The following SPACDR variants were observed in gnomAD, a reference collection of about 807,000 sequenced individuals.
SPACDR encodes sperm acrosome developmental regulator, also known as uncharacterized protein C7orf61.
At chr7:100,463,350 G>A in the SPACDR span, 12 of 1,559,124 alleles carry the variant, frequency 7.7e-6, no homozygotes, top group East Asian at 2.7e-4. Flanking sequence ...GGGGGTGTTA[G>A]GATGGTGCTG....
the SPACDR span, among the ~76,000 whole-genome samples, chr7:100,460,495 G>A: frequency 4.6e-5 from 7 of 151,826 alleles, no homozygotes; most frequent in Non-Finnish European, 8.8e-5. Context: ...GGAGGCTGAG[G>A]CAGGATAATT....
the SPACDR span, among the ~76,000 whole-genome samples, chr7:100,458,238 GTA>G: frequency 4.6e-5 from 6 of 130,748 alleles, no homozygotes; most frequent in Admixed American, 2.4e-4. Context: ...GTGTGTGTGT[GTA>G]TAATTTTACC....
the SPACDR span, among the ~76,000 whole-genome samples, chr7:100,463,108 A>AG: frequency 3.7e-5 from 5 of 135,594 alleles, no homozygotes; most frequent in African/African-American, 1.4e-4. Context: ...TGTCTCAGGG[A>AG]GAAAAAAAAA....
the SPACDR span, chr7:100,463,723 A>AGGGGC: frequency 6.4e-7 from 1 of 1,559,866 alleles, no homozygotes; most frequent in Non-Finnish European, 8.8e-7. Flanking sequence ...GACAGGAGAG[A>AGGGGC]GGGGCAGGGC....
chr7:100,457,042 C>G, the SPACDR span: 1 of 1,291,222 alleles, frequency 7.7e-7, no homozygotes, highest in Non-Finnish European at 1.1e-6. Flanking sequence ...GGAGAAACTG[C>G]CGCTAGAACG....
the SPACDR span, among the ~76,000 whole-genome samples, chr7:100,457,841 G>GTGTGTGTGTGTGTGTGTATA: frequency 2.4e-5 from 2 of 85,078 alleles, no homozygotes; most frequent in East Asian, 7.9e-4. Flanking sequence ...GTGTGTGTGT[G>GTGTGTGTGTGTGTGTGTATA]TATATATATA....
the SPACDR span, chr7:100,456,783 G>C: frequency 6.2e-7 from 1 of 1,612,394 alleles, no homozygotes; most frequent in South Asian, 1.1e-5. Flanking sequence ...CAGTTTCAGG[G>C]ACTGAGCCGG....
chr7:100,462,824 C>T, the SPACDR span, among the ~76,000 whole-genome samples: 1 of 144,200 alleles, frequency 6.9e-6, no homozygotes, highest in Non-Finnish European at 1.5e-5. Flanking sequence ...AGAAAGAAAA[C>T]ATTTGCCGGG....
At chr7:100,457,353 C>G in the SPACDR span, among the ~76,000 whole-genome samples, 1 of 151,734 alleles carries the variant, frequency 6.6e-6, no homozygotes, top group Admixed American at 6.6e-5. Flanking sequence ...GAGTCTTGCT[C>G]TATCACCCAG....
chr7:100,457,857 ATTTTTT>A, the SPACDR span, among the ~76,000 whole-genome samples: 79 of 88,322 alleles, frequency 8.9e-4, 2 homozygotes, highest in African/African-American at 3.3e-3. Context: ...ATATATATAT[ATTTTTT>A]TTTTTTTTTG....
At chr7:100,456,660 T>G in the SPACDR span, 29 of 837,284 alleles carry the variant, frequency 3.5e-5, no homozygotes, top group Non-Finnish European at 5.4e-5. Context: ...TTTTGATACT[T>G]GTTTTACAAC....
chr7:100,456,699 T>G, the SPACDR span: 3 of 1,200,206 alleles, frequency 2.5e-6, no homozygotes, highest in Non-Finnish European at 3.5e-6. Context: ...GGGGCTGATA[T>G]GGGACCCCAG....
chr7:100,463,723 A>C, the SPACDR span: 1 of 1,559,866 alleles, frequency 6.4e-7, no homozygotes, highest in Non-Finnish European at 8.8e-7. Flanking sequence ...GACAGGAGAG[A>C]GGGGCAGGGC....
the SPACDR span, among the ~76,000 whole-genome samples, chr7:100,457,314 ATTC>A: frequency 0.099 from 14,430 of 145,144 alleles, 834 homozygotes; most frequent in South Asian, 0.14. Flanking sequence ...CATCAGTTCT[ATTC>A]TTCTTTTTTT....
At chr7:100,458,036 T>G in the SPACDR span, among the ~76,000 whole-genome samples, 1 of 151,572 alleles carries the variant, frequency 6.6e-6, no homozygotes, top group South Asian at 2.1e-4. Context: ...CTGACTGACC[T>G]GCAATTGGAA....
chr7:100,457,850 TA>T, the SPACDR span, among the ~76,000 whole-genome samples: 2 of 124,198 alleles, frequency 1.6e-5, no homozygotes, highest in African/African-American at 6.3e-5. Flanking sequence ...TGTATATATA[TA>T]TATATATTTT....
At chr7:100,456,896 G>A in the SPACDR span, 1 of 1,613,662 alleles carries the variant, frequency 6.2e-7, no homozygotes, top group Non-Finnish European at 8.5e-7. Context: ...ACAGCACCAG[G>A]TACACCTCCC....
the SPACDR span, among the ~76,000 whole-genome samples, chr7:100,457,803 A>ATGTATGTGTGTGTGTG: frequency 1.4e-5 from 1 of 72,588 alleles, no homozygotes. Context: ...ATATATATAT[A>ATGTATGTGTGTGTGTG]TGTGTGTGTG....
the SPACDR span, chr7:100,463,433 G>A: frequency 2.2e-5 from 36 of 1,613,426 alleles, no homozygotes; most frequent in East Asian, 1.3e-4. Context: ...CTTGACGGCC[G>A]TCCTCGGCAG....
Sources: gnomAD v4.1 joint callset for allele counts (sites outside exome capture counted in the v4.1 genomes callset) on GRCh38, gnomAD v4.1.1 for gene constraint, MANE v1.5 for transcripts, NCBI Gene and HGNC (gene_info 2026-07-23, HGNC 2026-07-21) for gene names.